The following NAV2 variants were observed in gnomAD, a reference collection of about 807,000 sequenced individuals.
NAV2 encodes helicase, APC down-regulated 1.
In NAV2, 54 loss-of-function variants were observed where a neutral mutation model predicts 223.2. That is an observed-to-expected ratio of 0.24 (90% CI 0.19 to 0.30). The LOEUF (loss-of-function observed/expected upper bound fraction) is 0.30. Among genes scored for constraint, NAV2 ranks in the 10% least tolerant of loss-of-function variants. NAV2 has a pLI of 1.00. For missense variants in NAV2, 2,806 were observed against 3,147.5 expected (o/e 0.89, Z 2.60); for synonymous variants, 1,279 against 1,239.3 (o/e 1.03, Z -0.67).
chr11:19,617,153 T>C (rs1024126298), intron 1 of NAV2, among the ~76,000 whole-genome samples: 16 of 152,152 alleles, frequency 1.1e-4, no homozygotes, highest in Non-Finnish European at 4.4e-5. Flanking sequence ...TTTCTTTTCT[T>C]TCTAGGAAAA....
At position 20,103,634 on chromosome 11, in the gene NAV2, T is replaced by A; in HGVS notation, c.6573-19T>A. 6.2e-7 allele frequency: 1 copy of A among 1,613,510 alleles called. No individual in the cohort carries two copies. Among genetic ancestry groups the A allele is most frequent in the Non-Finnish European group, 8.5e-7 (1 of 1,179,442 alleles). ...TTGGCTTGGAATCACAGCTTTCTTTTCCTTTATTTTATCCGCAGCCCTTAC... is the reference window on the plus strand; with the variant it reads ...TTGGCTTGGAATCACAGCTTTCTTTACCTTTATTTTATCCGCAGCCCTTAC... On this transcript the variant is annotated intron_variant, in intron 33 of 37. Coordinates refer to ENST00000349880, the MANE Select transcript of NAV2 (RefSeq NM_145117.5).
At chr11:20,066,211 C>T (rs1003032423) in intron 20 of NAV2, among the ~76,000 whole-genome samples, 6 of 152,214 alleles carry the variant, frequency 3.9e-5, no homozygotes, top group African/African-American at 1.4e-4. Flanking sequence ...GGGACTTGGT[C>T]ATGTTCACGG....
chr11:19,739,368 G>T (rs978797691), intron 1 of NAV2, among the ~76,000 whole-genome samples: 62 of 152,180 alleles, frequency 4.1e-4, no homozygotes, highest in African/African-American at 1.4e-3. Flanking sequence ...GCATTTTAAT[G>T]ATGAGAAATG....
chr11:19,443,725 T>C (rs1851484343), intron 1 of NAV2, among the ~76,000 whole-genome samples: 1 of 152,246 alleles, frequency 6.6e-6, no homozygotes, highest in South Asian at 2.1e-4. Flanking sequence ...AATTTGGATC[T>C]GCCCCTTGAT....
At chr11:19,514,084 C>A (rs2043364436) in intron 1 of NAV2, among the ~76,000 whole-genome samples, 1 of 147,428 alleles carries the variant, frequency 6.8e-6, no homozygotes, top group African/African-American at 2.4e-5. Flanking sequence ...TACCCTGCCC[C>A]ACCATTTCAG....
intron 5 of NAV2, among the ~76,000 whole-genome samples, chr11:19,883,237 G>A (rs1475827701): frequency 6.6e-6 from 1 of 152,200 alleles, no homozygotes; most frequent in Non-Finnish European, 1.5e-5. Context: ...AAGTTTGCTG[G>A]TAAAGGAGCT....
chr11:19,852,511 A>C (rs2061200465), intron 3 of NAV2, among the ~76,000 whole-genome samples: 1 of 152,230 alleles, frequency 6.6e-6, no homozygotes, highest in East Asian at 1.9e-4. Flanking sequence ...TGGGAGAGGC[A>C]AGTGCATTTC....
intron 1 of NAV2, among the ~76,000 whole-genome samples, chr11:19,648,442 G>A (rs944460378): frequency 8.5e-5 from 13 of 152,198 alleles, no homozygotes; most frequent in African/African-American, 3.1e-4. Context: ...AGAGCCAGCT[G>A]GTAAACATTT....
chr11:20,047,336 G>A (rs538753131), intron 14 of NAV2, among the ~76,000 whole-genome samples: 2 of 152,222 alleles, frequency 1.3e-5, no homozygotes, highest in South Asian at 4.1e-4. Context: ...TTCCTAAATC[G>A]TTAAGGTATT....
At chr11:19,818,070 C>T (rs999716610) in intron 1 of NAV2, among the ~76,000 whole-genome samples, 1 of 151,832 alleles carries the variant, frequency 6.6e-6, no homozygotes, top group Non-Finnish European at 1.5e-5. Context: ...CCCTTTTTTT[C>T]ATGCAAAGCA....
Position 19,713,763 on chromosome 11 carries a change from C to G in NAV2, c.68C>G (p.Pro23Arg). The G allele has an allele frequency of 6.2e-7, 1 of 1,612,684 alleles. No homozygotes were observed. The highest frequency in any genetic ancestry group is 1.1e-5 in the South Asian group (1 of 90,954). The change falls in exon 1 of 38, where the codon CCC becomes CGC. Residue 23 changes from proline to arginine, a missense_variant. This residue lies in a region of NAV2 where 1,167 missense variants were observed against 1,180.5 expected (regional missense o/e 0.99). Coordinates refer to ENST00000349880, the MANE Select transcript of NAV2 (RefSeq NM_145117.5). This position sits in a 1 kb window ranked among gnomAD's most constrained non-coding sequence, Gnocchi z 7.2. ...CCCAAACCCGTGCACAGCGCCGCGC[C>G]CATCCTGCACGTGCCCCCGGCCCGG... ...GLPKPVHSAA[P>R]ILHVPPARAG...
At chr11:19,978,244 G>A (rs1041427364) in intron 10 of NAV2, among the ~76,000 whole-genome samples, 5 of 152,024 alleles carry the variant, frequency 3.3e-5, no homozygotes, top group Non-Finnish European at 4.4e-5. Flanking sequence ...TAAACTAAAG[G>A]GATTCTTTTC....
chr11:19,539,070 C>G (rs2044268499), intron 1 of NAV2, among the ~76,000 whole-genome samples: 2 of 152,170 alleles, frequency 1.3e-5, no homozygotes, highest in Non-Finnish European at 2.9e-5. Flanking sequence ...CATTTCTCAT[C>G]CCTCTCCCCT....
chr11:19,620,173 T>C (rs2046942289), intron 1 of NAV2, among the ~76,000 whole-genome samples: 1 of 152,178 alleles, frequency 6.6e-6, no homozygotes, highest in Non-Finnish European at 1.5e-5. Flanking sequence ...CCTTGTAGTA[T>C]AGTTTGAAGT....
At chr11:19,600,406 A>T (rs1439628748) in intron 1 of NAV2, among the ~76,000 whole-genome samples, 1 of 152,212 alleles carries the variant, frequency 6.6e-6, no homozygotes, top group Non-Finnish European at 1.5e-5. Flanking sequence ...TAAAGCAACC[A>T]ACTGCTCTAA....
In NAV2 at chr11:20,076,299, A is replaced by T. The variant is rs765483450; in HGVS notation, c.4984-1253A>T. On this transcript the variant is annotated intron_variant, in intron 22 of 37. Transcript: ENST00000349880. ...CTTCATCTAAGTGCTTTTCTTTTCA[A>T]TCCTTTAATTGCTCATCCAACATAT... 3.4e-4 allele frequency among the ~76,000 whole-genome samples: 51 copies of T among 152,180 alleles called. No homozygotes were observed. The Middle Eastern group carries it at 0.01, about 30-fold the overall frequency.
chr11:19,839,017 T>C (rs554894590), intron 2 of NAV2, among the ~76,000 whole-genome samples: 1 of 152,338 alleles, frequency 6.6e-6, no homozygotes, highest in East Asian at 1.9e-4. Context: ...TTTGCGACTT[T>C]TCTGCCATCA....
At chr11:19,621,121 A>G (rs2046980694) in intron 1 of NAV2, among the ~76,000 whole-genome samples, 2 of 152,204 alleles carry the variant, frequency 1.3e-5, no homozygotes, top group African/African-American at 4.8e-5. Context: ...CCACTTGATC[A>G]TGATGGATAA....
At position 19,491,953 on chromosome 11, in the gene NAV2, CAAAGAGAGAG is replaced by C. The variant is rs1338237173; in HGVS notation, c.75+140928_75+140937del. On this transcript the variant is annotated intron_variant, in intron 1 of 37. Coordinates refer to the NAV2 transcript ENST00000360655. Reference sequence around the variant, plus strand: ...TTGTGTCTCAGGGAATAGGGAGACTCAAAGAGAGAGAGAGAGAGAGAGAGAGAGAGAGAAA... The same window carrying C: ...TTGTGTCTCAGGGAATAGGGAGACTCAGAGAGAGAGAGAGAGAGAGAGAAA... Among the ~76,000 whole-genome samples, 183 of 120,752 alleles carry C rather than the reference CAAAGAGAGAG, an allele frequency of 1.5e-3. 1 individual carries two copies. The highest frequency in any genetic ancestry group is 5.1e-3 in the African/African-American group (170 of 33,536). 79.2% of individuals were successfully genotyped at this position (120,752 alleles called of 152,430 possible). A position where few individuals can be genotyped will look rare whatever the true frequency, so the allele number is the denominator to read the frequency against.
Sources: gnomAD v4.1 joint callset for allele counts (sites outside exome capture counted in the v4.1 genomes callset) on GRCh38, gnomAD v4.1.1 for gene constraint, gnomAD v4.1.1 regional missense constraint, Gnocchi (gnomAD v3.1) non-coding constraint, MANE v1.5 for transcripts, NCBI Gene and HGNC (gene_info 2026-07-23, HGNC 2026-07-21) for gene names.